Variants in TENM1 observed in about 807,000 individuals in gnomAD.
TENM1 encodes teneurin transmembrane protein 1.
A neutral mutation model predicts 174.8 loss-of-function variants in TENM1; 35 were observed. That is an observed-to-expected ratio of 0.20 (90% CI 0.15 to 0.27). TENM1 has a LOEUF of 0.27. Ranked by LOEUF, TENM1 falls within the 10% of genes least tolerant of loss-of-function variation. The probability of loss-of-function intolerance (pLI) is 1.00; values close to 1 mark genes in which losing one functional copy is unlikely to be tolerated. For missense variants in TENM1, 1,633 were observed against 2,130.1 expected (o/e 0.77, Z 4.59); for synonymous variants, 781 against 798.7 (o/e 0.98, Z 0.37).
At chrX:124,782,301 C>G (rs1035660734) in intron 3 of TENM1, among the ~76,000 whole-genome samples, 2 of 111,414 alleles carry the variant, frequency 1.8e-5, no homozygotes, top group Admixed American at 9.6e-5. Context: ...ATACACTGTG[C>G]TATTTCTCTG....
At chrX:124,994,696 C>G in the TENM1 span, among the ~76,000 whole-genome samples, 88 of 110,254 alleles carry the variant, frequency 8.0e-4, no homozygotes, top group Non-Finnish European at 1.2e-3. Context: ...AATTTCATAT[C>G]TTCTCTATTG....
chrX:124,499,812 A>T (rs955592754), intron 19 of TENM1, among the ~76,000 whole-genome samples: 10 of 112,001 alleles, frequency 8.9e-5, no homozygotes, highest in Non-Finnish European at 1.7e-4. Flanking sequence ...TATGTTCTTT[A>T]ATAAATGAGG....
chrX:124,822,056 T>C (rs769876571), intron 3 of TENM1, among the ~76,000 whole-genome samples: 3 of 112,528 alleles, frequency 2.7e-5, no homozygotes, highest in Non-Finnish European at 5.6e-5. Context: ...AGAAATCACA[T>C]GACTGCTCAG....
chrX:124,640,101 C>T (rs1295894403), intron 11 of TENM1, among the ~76,000 whole-genome samples: 3 of 109,833 alleles, frequency 2.7e-5, no homozygotes, highest in Admixed American at 9.7e-5. Context: ...TACATATAAC[C>T]TCTATATGTA....
chrX:125,069,737 T>C, the TENM1 span, among the ~76,000 whole-genome samples: 1 of 110,743 alleles, frequency 9.0e-6, no homozygotes, highest in Non-Finnish European at 1.9e-5. Context: ...CTTCACATCC[T>C]GCACATGTAT....
At chrX:125,035,709 A>G in the TENM1 span, among the ~76,000 whole-genome samples, 1 of 111,800 alleles carries the variant, frequency 8.9e-6, no homozygotes, top group African/African-American at 3.2e-5. Context: ...AAATGACTTT[A>G]GTCTTGTATT....
chrX:124,555,682 T>G (rs1343759068), intron 14 of TENM1, among the ~76,000 whole-genome samples: 1 of 111,726 alleles, frequency 9.0e-6, no homozygotes, highest in Non-Finnish European at 1.9e-5. Context: ...CACTGATACT[T>G]TATGAAAAGT....
chrX:124,611,892 T>C (rs767901379), intron 11 of TENM1, among the ~76,000 whole-genome samples: 8 of 112,315 alleles, frequency 7.1e-5, no homozygotes, highest in Non-Finnish European at 1.5e-4. Context: ...TAGATTCATT[T>C]TGAACTCCAC....
At chrX:124,713,501 C>T (rs1179767708) in intron 4 of TENM1, among the ~76,000 whole-genome samples, 1 of 111,975 alleles carries the variant, frequency 8.9e-6, no homozygotes, top group Non-Finnish European at 1.9e-5. Context: ...CTCCCACCCT[C>T]AGGTGATCTG....
At chrX:124,787,591 A>G (rs2055071067) in intron 3 of TENM1, among the ~76,000 whole-genome samples, 1 of 112,078 alleles carries the variant, frequency 8.9e-6, no homozygotes, top group Admixed American at 9.5e-5. Context: ...CCTAGAGAGC[A>G]TATTCAGATA....
At chrX:124,693,449 A>C (rs2052575952) in intron 5 of TENM1, among the ~76,000 whole-genome samples, 1 of 110,659 alleles carries the variant, frequency 9.0e-6, no homozygotes, top group South Asian at 3.8e-4. Context: ...TCTTTTCTTA[A>C]ACTTCTTTCT....
intron 20 of TENM1, among the ~76,000 whole-genome samples, chrX:124,492,293 G>A (rs1240144786): frequency 1.8e-5 from 2 of 111,543 alleles, no homozygotes; most frequent in Non-Finnish European, 1.9e-5. Context: ...CTGATCTTAA[G>A]AAAAATACTG....
At chrX:124,502,466 C>A (rs2047354754) in intron 19 of TENM1, among the ~76,000 whole-genome samples, 1 of 112,321 alleles carries the variant, frequency 8.9e-6, no homozygotes, top group Non-Finnish European at 1.9e-5. Flanking sequence ...AAGAGACAAT[C>A]CATACAAGCC....
chrX:124,577,485 G>A (rs1289365528), intron 11 of TENM1, among the ~76,000 whole-genome samples: 3 of 111,541 alleles, frequency 2.7e-5, no homozygotes, highest in East Asian at 5.6e-4. Flanking sequence ...TCAATGCATA[G>A]TTTAGTGTCA....
chrX:125,146,003 G>A, the TENM1 span, among the ~76,000 whole-genome samples: 1 of 111,504 alleles, frequency 9.0e-6, no homozygotes, highest in Non-Finnish European at 1.9e-5. Flanking sequence ...CAAATACAAG[G>A]TCAGTCTTAC....
At chrX:125,139,855 CACGGAGAGAGAG>C in the TENM1 span, among the ~76,000 whole-genome samples, 1 of 48,621 alleles carries the variant, frequency 2.1e-5, no homozygotes, top group African/African-American at 8.6e-5. Context: ...CACACACACA[CACGGAGAGAGAG>C]AGAGAGAGAG....
the TENM1 span, among the ~76,000 whole-genome samples, chrX:125,061,001 T>A: frequency 9.5e-6 from 1 of 104,788 alleles, no homozygotes; most frequent in Non-Finnish European, 1.9e-5. Flanking sequence ...CTTGGAGATT[T>A]TATATATATA....
At chrX:124,507,745 C>G (rs373917763) in intron 18 of TENM1, among the ~76,000 whole-genome samples, 1 of 111,444 alleles carries the variant, frequency 9.0e-6, no homozygotes. Flanking sequence ...CATTAAGTAG[C>G]CAAGGTAAAG....
chrX:124,841,128 G>A (rs1468131396), intron 3 of TENM1, among the ~76,000 whole-genome samples: 1 of 111,538 alleles, frequency 9.0e-6, no homozygotes, highest in Non-Finnish European at 1.9e-5. Context: ...CATGTAACTC[G>A]ATACTTTTTA....
Sources: allele counts gnomAD v4.1 joint callset (sites outside exome capture counted in the v4.1 genomes callset), GRCh38; gene constraint gnomAD v4.1.1; transcripts MANE v1.5; gene names NCBI Gene and HGNC (gene_info 2026-07-23, HGNC 2026-07-21).